COL10A1: variants seen among roughly 807,000 people sequenced by gnomAD.
COL10A1 encodes the protein collagen type X alpha 1 chain.
In COL10A1, 10 loss-of-function variants were observed where a neutral mutation model predicts 18.2. The ratio of observed to expected loss-of-function variants is 0.55; its 90% confidence interval spans 0.34 to 0.93. The LOEUF is 0.93. COL10A1 is among the 40% of genes least tolerant of loss of function. The probability of loss-of-function intolerance (pLI) is 0.02; values close to 1 mark genes in which losing one functional copy is unlikely to be tolerated. For missense variants in COL10A1, 897 were observed against 853.5 expected, an observed-to-expected ratio of 1.05 and a Z score of -0.64; for synonymous variants, 330 against 316.6, an observed-to-expected ratio of 1.04 and a Z score of -0.45.
At chr6:116,158,663 A>G (rs112657018) in exon 1 of COL10A1, 36 of 152,302 alleles carry the variant, frequency 2.4e-4, no homozygotes, top group African/African-American at 8.7e-4. Context: ...CTGCTCTTTA[A>G]AAGTCACTAC....
At chr6:116,170,552 G>A in the COL10A1 span, among the ~76,000 whole-genome samples, 14 of 152,234 alleles carry the variant, frequency 9.2e-5, no homozygotes, top group African/African-American at 3.1e-4. Context: ...CTCATAATAA[G>A]TAATCAGTGC....
the COL10A1 span, among the ~76,000 whole-genome samples, chr6:116,184,413 T>C: frequency 4.6e-5 from 7 of 152,104 alleles, no homozygotes; most frequent in East Asian, 1.2e-3. Flanking sequence ...ACTGGCTTCA[T>C]AGAATGATTT....
the COL10A1 span, among the ~76,000 whole-genome samples, chr6:116,201,419 G>T: frequency 2.0e-5 from 3 of 151,958 alleles, no homozygotes; most frequent in African/African-American, 7.2e-5. Context: ...AATCACTCCA[G>T]TATATAGAGT....
chr6:116,200,662 A>T, the COL10A1 span, among the ~76,000 whole-genome samples: 1 of 152,020 alleles, frequency 6.6e-6, no homozygotes, highest in African/African-American at 2.4e-5. Context: ...CTTAGTTTTA[A>T]AAGTCTATTC....
upstream of COL10A1, among the ~76,000 whole-genome samples, chr6:116,160,058 A>C (rs1328386350): frequency 5.9e-5 from 9 of 152,168 alleles, no homozygotes; most frequent in Admixed American, 5.9e-4. Flanking sequence ...GCTATTGTGA[A>C]TAGTGCTCAA....
chr6:116,180,041 C>T, the COL10A1 span, among the ~76,000 whole-genome samples: 6 of 151,886 alleles, frequency 4.0e-5, no homozygotes, highest in Non-Finnish European at 5.9e-5. Flanking sequence ...TGCAAAATAC[C>T]GTGGTGTTCT....
chr6:116,200,105 T>C, the COL10A1 span, among the ~76,000 whole-genome samples: 9 of 152,048 alleles, frequency 5.9e-5, no homozygotes, highest in Admixed American at 5.9e-4. Flanking sequence ...ATACCCTTAA[T>C]ATAACATGAG....
rs544519822 is a variant in COL10A1 at position 116,122,053 on chromosome 6, C to T, written c.155-92G>A. The stretch of plus-strand genomic sequence containing the variant: ...GCCTTTCAAACTATGAATTGGGACA[C>T]GATATTTCAGCATCATTTATTCCAT... On this transcript the variant is annotated intron_variant, in intron 2 of 2. Transcript: ENST00000651968. The T allele has an allele frequency of 9.1e-5, 98 of 1,082,542 alleles. No individual in the cohort carries two copies. In the East Asian group the frequency reaches 1.6e-3, roughly 18 times the overall value. The allele number at this position is 1,082,542 out of a possible 1,614,324, so 67.1% of individuals were successfully genotyped here.
At chr6:116,146,256 G>A (rs1779895536) in intron 1 of COL10A1, among the ~76,000 whole-genome samples, 1 of 152,190 alleles carries the variant, frequency 6.6e-6, no homozygotes, top group Non-Finnish European at 1.5e-5. Flanking sequence ...AGGGAATCAA[G>A]CAAATCAAAA....
chr6:116,135,897 A>G (rs2114347166), intron 1 of COL10A1, among the ~76,000 whole-genome samples: 1 of 147,338 alleles, frequency 6.8e-6, no homozygotes, highest in East Asian at 2.0e-4. Flanking sequence ...ACATTGCTAA[A>G]TGGTTACCAC....
chr6:116,134,077 T>A (rs1779531893), intron 1 of COL10A1, among the ~76,000 whole-genome samples: 1 of 152,218 alleles, frequency 6.6e-6, no homozygotes, highest in Admixed American at 6.5e-5. Context: ...TTTTATATGT[T>A]AGGATCTTTG....
intron 1 of COL10A1, among the ~76,000 whole-genome samples, chr6:116,140,573 C>T (rs1363213678): frequency 4.6e-5 from 7 of 152,002 alleles, no homozygotes; most frequent in African/African-American, 7.3e-5. Context: ...TTTTTGAAAC[C>T]CCTATGCCAT....
At chr6:116,124,733 A>G (rs563638858) in intron 2 of COL10A1, among the ~76,000 whole-genome samples, 1 of 152,306 alleles carries the variant, frequency 6.6e-6, no homozygotes, top group East Asian at 1.9e-4. Flanking sequence ...CAGCTTATGC[A>G]TTACAGTTAA....
chr6:116,125,719 G>A (rs1463033169), intron 1 of COL10A1: 2 of 379,906 alleles, frequency 5.3e-6, no homozygotes, highest in Non-Finnish European at 9.6e-6. Context: ...AGGTAATCAA[G>A]TGAAAATAAA....
At chr6:116,186,660 G>T in the COL10A1 span, among the ~76,000 whole-genome samples, 2 of 151,878 alleles carry the variant, frequency 1.3e-5, no homozygotes, top group Admixed American at 6.6e-5. Context: ...CTACTTGTTC[G>T]ATTCTGTTGC....
At chr6:116,137,753 C>G (rs898163527) in intron 1 of COL10A1, among the ~76,000 whole-genome samples, 3 of 152,040 alleles carry the variant, frequency 2.0e-5, no homozygotes, top group Non-Finnish European at 2.9e-5. Flanking sequence ...TATGGAAAAC[C>G]AGTTATCTTT....
chr6:116,171,818 G>A, the COL10A1 span, among the ~76,000 whole-genome samples: 1 of 152,166 alleles, frequency 6.6e-6, no homozygotes, highest in African/African-American at 2.4e-5. Flanking sequence ...GCATAAATGT[G>A]CAATTTGTAA....
chr6:116,141,441 A>T (rs1273860545), intron 1 of COL10A1, among the ~76,000 whole-genome samples: 2 of 152,152 alleles, frequency 1.3e-5, no homozygotes, highest in East Asian at 3.8e-4. Context: ...TGTTCAAAAT[A>T]ATTCATTGAG....
At chr6:116,158,424 T>C (rs913056468) in intron 1 of COL10A1, among the ~76,000 whole-genome samples, 4 of 152,190 alleles carry the variant, frequency 2.6e-5, no homozygotes, top group African/African-American at 7.2e-5. Context: ...AACCTTTGCT[T>C]AGTGAAGACA....
Sources: allele counts gnomAD v4.1 joint callset (sites outside exome capture counted in the v4.1 genomes callset), GRCh38; gene constraint gnomAD v4.1.1; transcripts MANE v1.5; gene names NCBI Gene and HGNC (gene_info 2026-07-23, HGNC 2026-07-21).